The following AGTPBP1 variants were observed in gnomAD, a reference collection of about 807,000 sequenced individuals.
AGTPBP1 encodes the protein cytosolic carboxypeptidase 1.
Under a neutral mutation model 143.9 loss-of-function variants are expected in AGTPBP1, and 70 were observed. The ratio of observed to expected loss-of-function variants is 0.49; its 90% CI spans 0.40 to 0.59. AGTPBP1 has a LOEUF of 0.59. Ranked by LOEUF, AGTPBP1 falls within the 20% of genes least tolerant of loss-of-function variation. The pLI is 0.00. For synonymous variants in AGTPBP1, 463 were observed against 500.2 expected (o/e 0.93, Z 0.99); for missense variants, 1,229 against 1,464.5 (o/e 0.84, Z 2.62).
At chr9:85,722,477 GTGCA>G in intron 1 of AGTPBP1, among the ~76,000 whole-genome samples, 1 of 152,272 alleles carries the variant, frequency 6.6e-6, no homozygotes, top group South Asian at 2.1e-4. Flanking sequence ...ATTGAAGCTT[GTGCA>G]TGCGTCACGA....
chr9:85,768,875 C>G, the AGTPBP1 span, among the ~76,000 whole-genome samples: 1 of 150,336 alleles, frequency 6.7e-6, no homozygotes, highest in Admixed American at 6.6e-5. Context: ...GTTGCAAAAC[C>G]CCTTCTCAAC....
At chr9:85,740,745 TA>T (rs1337692316) in intron 1 of AGTPBP1, among the ~76,000 whole-genome samples, 4 of 152,246 alleles carry the variant, frequency 2.6e-5, no homozygotes, top group African/African-American at 9.6e-5. Flanking sequence ...AGGTCCTTTC[TA>T]ACTACAAATT....
chr9:85,742,379 G>A (rs1163441478), upstream of AGTPBP1, among the ~76,000 whole-genome samples: 1 of 148,722 alleles, frequency 6.7e-6, no homozygotes, highest in Non-Finnish European at 1.5e-5. Context: ...CCATCAATCA[G>A]TCACTTTCTT....
intron 17 of AGTPBP1, among the ~76,000 whole-genome samples, chr9:85,610,684 G>A (rs1242763696): frequency 6.6e-6 from 1 of 151,948 alleles, no homozygotes; most frequent in Non-Finnish European, 1.5e-5. Context: ...TCTCCTAACT[G>A]ATACTACTTC....
intron 17 of AGTPBP1, among the ~76,000 whole-genome samples, chr9:85,615,476 CATT>C (rs994179221): frequency 6.6e-6 from 1 of 152,076 alleles, no homozygotes; most frequent in African/African-American, 2.4e-5. Flanking sequence ...ATTACACAGA[CATT>C]ACTAATGATG....
At chr9:85,646,002 A>G (rs1206762844) in intron 12 of AGTPBP1, among the ~76,000 whole-genome samples, 2 of 152,154 alleles carry the variant, frequency 1.3e-5, no homozygotes, top group Non-Finnish European at 2.9e-5. Flanking sequence ...AAAGGATAAT[A>G]ATGCATTTTG....
At chr9:85,555,152 A>C (rs1826256936) in intron 25 of AGTPBP1, among the ~76,000 whole-genome samples, 1 of 152,196 alleles carries the variant, frequency 6.6e-6, no homozygotes, top group Admixed American at 6.5e-5. Context: ...ACAACAAAAG[A>C]CTCAAATCAC....
At chr9:85,710,937 A>G (rs995281023) in intron 2 of AGTPBP1, among the ~76,000 whole-genome samples, 1 of 152,166 alleles carries the variant, frequency 6.6e-6, no homozygotes, top group Non-Finnish European at 1.5e-5. Flanking sequence ...TTCCTTTCCT[A>G]TAGAAATTAC....
chr9:85,571,223 A>G (rs918724334), intron 25 of AGTPBP1, among the ~76,000 whole-genome samples: 4 of 152,236 alleles, frequency 2.6e-5, no homozygotes, highest in African/African-American at 9.6e-5. Context: ...CGAGGCTTAC[A>G]TATAAATACC....
At position 85,737,548 on chromosome 9, in the gene AGTPBP1, T is replaced by A. The variant is rs533731578; in HGVS notation, c.-34+4227A>T. Reference sequence around the variant, plus strand: ...CTAAACAGCTTCCCAATAATTTGTCTCTAACAAAATGGGTGGTGATATTAA... The same window carrying A: ...CTAAACAGCTTCCCAATAATTTGTCACTAACAAAATGGGTGGTGATATTAA... On this transcript the variant is annotated intron_variant, in intron 1 of 25. Transcript: ENST00000357081. Among the ~76,000 whole-genome samples, 261 of 152,334 alleles carry A rather than the reference T, an allele frequency of 1.7e-3. 1 individual carries two copies. Among genetic ancestry groups the A allele is most frequent in the Non-Finnish European group, 3.2e-3 (216 of 68,028 alleles).
intron 17 of AGTPBP1, among the ~76,000 whole-genome samples, chr9:85,603,339 G>A (rs1007704016): frequency 5.3e-5 from 8 of 152,162 alleles, no homozygotes; most frequent in Non-Finnish European, 1.0e-4. Flanking sequence ...GTAAAACAGG[G>A]TACCAGGCAG....
chr9:85,630,484 T>C (rs576973209), intron 14 of AGTPBP1, among the ~76,000 whole-genome samples: 9 of 150,562 alleles, frequency 6.0e-5, no homozygotes, highest in Non-Finnish European at 1.2e-4. Flanking sequence ...GATTGATTGA[T>C]TGATTGATTG....
chr9:85,639,130 G>C (rs751196736), intron 13 of AGTPBP1, among the ~76,000 whole-genome samples: 2 of 151,910 alleles, frequency 1.3e-5, no homozygotes, highest in African/African-American at 4.8e-5. Context: ...ACAACTATAT[G>C]CTAGAAATAA....
chr9:85,557,332 T>G (rs1826414907), intron 25 of AGTPBP1, among the ~76,000 whole-genome samples: 1 of 152,222 alleles, frequency 6.6e-6, no homozygotes, highest in Non-Finnish European at 1.5e-5. Flanking sequence ...TTTATCTGGA[T>G]GATTTCAATC....
chr9:85,699,968 C>A (rs149554317), intron 2 of AGTPBP1, among the ~76,000 whole-genome samples: 1 of 152,094 alleles, frequency 6.6e-6, no homozygotes, highest in African/African-American at 2.4e-5. Context: ...GAGAGAAGAG[C>A]GGCAGTGTTT....
intron 14 of AGTPBP1, 53 bp downstream of exon 14, chr9:85,632,600 TAAGACTGCC>T: frequency 7.2e-7 from 1 of 1,397,594 alleles, no homozygotes; most frequent in African/African-American, 1.4e-5. Context: ...GTAATTTTTT[TAAGACTGCC>T]TCATATCTTG....
upstream of AGTPBP1, among the ~76,000 whole-genome samples, chr9:85,746,443 G>T (rs1268545330): frequency 6.6e-6 from 1 of 152,098 alleles, no homozygotes; most frequent in African/African-American, 2.4e-5. Context: ...ACAACATAGT[G>T]AGACCCCCCA....
At chr9:85,657,664 G>A in intron 9 of AGTPBP1, 21 bp from the exon 10 acceptor site, 9 of 1,558,246 alleles carry the variant, frequency 5.8e-6, no homozygotes, top group Non-Finnish European at 7.0e-6. Flanking sequence ...AGAAGATTGA[G>A]AAAGAATATT....
chr9:85,734,038 G>A (rs1839059585), intron 1 of AGTPBP1, among the ~76,000 whole-genome samples: 1 of 152,186 alleles, frequency 6.6e-6, no homozygotes, highest in Non-Finnish European at 1.5e-5. Context: ...CGGATCACAA[G>A]GTCAAGAGAT....
Sources: allele counts gnomAD v4.1 joint callset (sites outside exome capture counted in the v4.1 genomes callset), GRCh38; gene constraint gnomAD v4.1.1; transcripts MANE v1.5; gene names NCBI Gene and HGNC (gene_info 2026-07-23, HGNC 2026-07-21).